The following ROBO2 variants were observed in gnomAD, a reference collection of about 807,000 sequenced individuals.
ROBO2 encodes roundabout guidance receptor 2, also known as roundabout homolog 2.
ROBO2 carries 53 observed loss-of-function variants against 160.8 expected under a neutral mutation model. The observed-to-expected ratio is 0.33, with a 90% CI of 0.26 to 0.41. The LOEUF (loss-of-function observed/expected upper bound fraction) is 0.41, where lower values mean the gene tolerates loss of function less well. Ranked by LOEUF, ROBO2 falls within the 10% of genes least tolerant of loss-of-function variation. The probability of loss-of-function intolerance (pLI) is 1.00; values close to 1 mark genes in which losing one functional copy is unlikely to be tolerated. For synonymous variants in ROBO2, 664 were observed against 611.7 expected (o/e 1.09, Z -1.26); for missense variants, 1,577 against 1,722.4 (o/e 0.92, Z 1.49).
chr3:77,063,073 T>C (rs1251825679), intron 1 of ROBO2, among the ~76,000 whole-genome samples: 1 of 152,196 alleles, frequency 6.6e-6, no homozygotes, highest in Non-Finnish European at 1.5e-5. Flanking sequence ...CTGAATACTG[T>C]AGAGCATCAT....
chr3:76,977,212 A>T (rs1357556770), intron 2 of ROBO2, among the ~76,000 whole-genome samples: 1 of 152,212 alleles, frequency 6.6e-6, no homozygotes, highest in Non-Finnish European at 1.5e-5. Flanking sequence ...TATAAACATT[A>T]TGTTTCCTCA....
At chr3:77,002,165 T>G (rs993354715) in intron 2 of ROBO2, among the ~76,000 whole-genome samples, 1 of 152,080 alleles carries the variant, frequency 6.6e-6, no homozygotes, top group Non-Finnish European at 1.5e-5. Flanking sequence ...AATTAATAAT[T>G]TATTTGTCCC....
intron 2 of ROBO2, among the ~76,000 whole-genome samples, chr3:76,788,018 T>C (rs903875885): frequency 4.0e-5 from 6 of 150,950 alleles, no homozygotes; most frequent in African/African-American, 4.9e-5. Flanking sequence ...TGAGTCCAAA[T>C]AGAAAACAGA....
chr3:76,282,438 A>C (rs1708280024), intron 2 of ROBO2, among the ~76,000 whole-genome samples: 2 of 152,078 alleles, frequency 1.3e-5, no homozygotes, highest in African/African-American at 4.8e-5. Flanking sequence ...AATGAATTTA[A>C]TGAAATTTGA....
At chr3:76,363,798 T>G (rs1445824949) in intron 2 of ROBO2, among the ~76,000 whole-genome samples, 1 of 149,270 alleles carries the variant, frequency 6.7e-6, no homozygotes, top group Non-Finnish European at 1.5e-5. Context: ...TGCTTAAGAG[T>G]TTTTTTTTTA....
At chr3:76,874,675 T>C (rs1185183219) in intron 2 of ROBO2, among the ~76,000 whole-genome samples, 1 of 150,918 alleles carries the variant, frequency 6.6e-6, no homozygotes, top group East Asian at 2.0e-4. Flanking sequence ...GCAACTAACA[T>C]TAAATTAAAA....
intron 2 of ROBO2, among the ~76,000 whole-genome samples, chr3:76,578,490 A>C (rs1164148094): frequency 6.6e-6 from 1 of 151,952 alleles, no homozygotes; most frequent in East Asian, 1.9e-4. Context: ...TGTTCTTTTT[A>C]GTTCATTTGT....
chr3:77,040,324 G>T, exon 1 of ROBO2: 1 of 994,876 alleles, frequency 1.0e-6, no homozygotes. Flanking sequence ...GAAGGAAACC[G>T]GGGGAAAGAA....
At chr3:76,379,465 A>G (rs1487187526) in intron 2 of ROBO2, among the ~76,000 whole-genome samples, 3 of 152,198 alleles carry the variant, frequency 2.0e-5, no homozygotes, top group African/African-American at 7.2e-5. Context: ...GTCCTTGTAT[A>G]CATTTCAGTC....
At chr3:76,614,638 T>TA (rs766110779) in intron 2 of ROBO2, among the ~76,000 whole-genome samples, 1 of 152,166 alleles carries the variant, frequency 6.6e-6, no homozygotes, top group Non-Finnish European at 1.5e-5. Context: ...ATCATTTCAA[T>TA]AACTAATGTT....
At chr3:76,126,287 G>A (rs919589835) in intron 2 of ROBO2, among the ~76,000 whole-genome samples, 6 of 151,998 alleles carry the variant, frequency 3.9e-5, no homozygotes, top group Non-Finnish European at 2.9e-5. Context: ...TATTTTTTCC[G>A]CTTTTGATTT....
intron 2 of ROBO2, among the ~76,000 whole-genome samples, chr3:76,300,720 T>A (rs1008769873): frequency 2.0e-5 from 3 of 152,132 alleles, no homozygotes; most frequent in African/African-American, 7.2e-5. Context: ...TAAAATAGTT[T>A]AAATGATTTA....
At chr3:76,977,198 A>G (rs1291134445) in intron 2 of ROBO2, among the ~76,000 whole-genome samples, 1 of 152,206 alleles carries the variant, frequency 6.6e-6, no homozygotes, top group Non-Finnish European at 1.5e-5. Context: ...TTGGCAGCTC[A>G]TGATATAAAC....
chr3:76,026,983 G>A (rs528498124), intron 2 of ROBO2, among the ~76,000 whole-genome samples: 19 of 151,996 alleles, frequency 1.3e-4, no homozygotes, highest in Middle Eastern at 6.8e-3. Flanking sequence ...AGATGTCTGA[G>A]GACTGCGCTG....
intron 2 of ROBO2, among the ~76,000 whole-genome samples, chr3:76,945,045 C>T (rs939079726): frequency 1.3e-4 from 20 of 151,088 alleles, no homozygotes; most frequent in South Asian, 4.2e-4. Flanking sequence ...CCCGCCACCA[C>T]GCCCGGCTAA....
rs554684588 is a variant in ROBO2 at position 76,070,434 on chromosome 3, A to G, written c.109+132832A>G. Among the ~76,000 whole-genome samples the G allele has an allele frequency of 1.1e-4, 16 of 152,138 alleles. No homozygotes were observed. The South Asian group carries it at 3.3e-3, about 32-fold the overall frequency. On this transcript the variant is annotated intron_variant, in intron 2 of 26. Coordinates refer to the ROBO2 transcript ENST00000487694. Reference sequence around the variant, plus strand: ...GGCTTATTAGGAAGAGGAAATTCCCACCTAATAATTTTGGTCATACCGGTT... The same window carrying G: ...GGCTTATTAGGAAGAGGAAATTCCCGCCTAATAATTTTGGTCATACCGGTT...
chr3:77,433,153 C>T (rs896962180), intron 2 of ROBO2, among the ~76,000 whole-genome samples: 12 of 151,908 alleles, frequency 7.9e-5, no homozygotes, highest in South Asian at 2.1e-4. Context: ...ATGGGTCTTG[C>T]GATGAGACAC....
chr3:77,504,827 A>C (rs2088230933), intron 5 of ROBO2, among the ~76,000 whole-genome samples: 1 of 152,238 alleles, frequency 6.6e-6, no homozygotes, highest in Non-Finnish European at 1.5e-5. Flanking sequence ...AACTATATAC[A>C]AACTATGATA....
chr3:76,181,942 T>C (rs1701526896), intron 2 of ROBO2, among the ~76,000 whole-genome samples: 1 of 152,164 alleles, frequency 6.6e-6, no homozygotes, highest in Non-Finnish European at 1.5e-5. Context: ...GATGTTTGAT[T>C]CAATTTTATG....
Sources: gnomAD v4.1 joint callset for allele counts (sites outside exome capture counted in the v4.1 genomes callset) on GRCh38, gnomAD v4.1.1 for gene constraint, MANE v1.5 for transcripts, NCBI Gene and HGNC (gene_info 2026-07-23, HGNC 2026-07-21) for gene names.